The following ROBO1 variants were observed in gnomAD, a reference collection of about 807,000 sequenced individuals.
ROBO1 encodes roundabout homolog 1.
Under a neutral mutation model 195.9 loss-of-function variants are expected in ROBO1, and 149 were observed. The ratio of observed to expected loss-of-function variants is 0.76; its 90% CI spans 0.67 to 0.87. The LOEUF is 0.87. Ranked by LOEUF, ROBO1 falls within the 40% of genes least tolerant of loss-of-function variation. The pLI, the probability that ROBO1 is intolerant of heterozygous loss-of-function variation, is 0.00. For missense variants in ROBO1, 1,933 were observed against 2,068.3 expected (o/e 0.93, Z 1.27); for synonymous variants, 816 against 733.2 (o/e 1.11, Z -1.82).
chr3:78,944,044 C>A (rs550942781), intron 3 of ROBO1, among the ~76,000 whole-genome samples: 2 of 152,106 alleles, frequency 1.3e-5, no homozygotes. Flanking sequence ...GAAAAGAAAA[C>A]CACTACTAAT....
chr3:79,437,937 A>C (rs147278796), intron 2 of ROBO1, among the ~76,000 whole-genome samples: 1 of 152,112 alleles, frequency 6.6e-6, no homozygotes, highest in East Asian at 1.9e-4. Context: ...GAAAACTTAG[A>C]TAACTGTGAA....
intron 4 of ROBO1, among the ~76,000 whole-genome samples, chr3:78,784,515 T>A (rs910330402): frequency 9.2e-5 from 14 of 152,208 alleles, no homozygotes; most frequent in African/African-American, 3.1e-4. Flanking sequence ...AATGCATGGT[T>A]ACTACATGCC....
chr3:79,605,518 T>C (rs1403735414), intron 1 of ROBO1, among the ~76,000 whole-genome samples: 2 of 151,930 alleles, frequency 1.3e-5, no homozygotes, highest in African/African-American at 4.8e-5. Flanking sequence ...TTTCCCTTCA[T>C]CTCTCATTTA....
At chr3:79,149,474 T>C (rs2080720154) in intron 2 of ROBO1, among the ~76,000 whole-genome samples, 1 of 151,884 alleles carries the variant, frequency 6.6e-6, no homozygotes, top group Admixed American at 6.6e-5. Flanking sequence ...GCAATATCTG[T>C]CTCTGGTTCT....
At chr3:78,631,340 T>C (rs370269598) in intron 24 of ROBO1, 35 bp from the exon 25 acceptor site, 21 of 1,590,936 alleles carry the variant, frequency 1.3e-5, no homozygotes, top group African/African-American at 8.1e-5. Context: ...CATTGATCTC[T>C]GGCCTTTAAA....
intron 27 of ROBO1, among the ~76,000 whole-genome samples, chr3:78,615,869 A>G (rs1418501922): frequency 6.6e-6 from 1 of 152,224 alleles, no homozygotes; most frequent in Non-Finnish European, 1.5e-5. Context: ...AAGTCACATG[A>G]CAAGCACCGT....
intron 4 of ROBO1, among the ~76,000 whole-genome samples, chr3:78,867,033 A>G (rs1190256060): frequency 6.6e-6 from 1 of 152,222 alleles, no homozygotes; most frequent in African/African-American, 2.4e-5. Context: ...TATTTGAAAG[A>G]CTTGGTCTAT....
chr3:79,102,108 T>G (rs1416996073), intron 3 of ROBO1, among the ~76,000 whole-genome samples: 2 of 151,794 alleles, frequency 1.3e-5, no homozygotes, highest in Admixed American at 1.3e-4. Flanking sequence ...TCTATAAAAG[T>G]GCACATAAAA....
rs1943627364 is a variant in ROBO1, at chr3:79,580,518, A to C, written c.88+9306T>G. 2.6e-5 allele frequency among the ~76,000 whole-genome samples: 4 copies of C among 151,930 alleles called. No individual in the cohort carries two copies. In the South Asian group the frequency reaches 8.3e-4, roughly 32 times the overall value. The stretch of plus-strand genomic sequence containing the variant: ...AAATAAACACACAAACAAATAAATA[A>C]ATAAAATAAATAAAATAATCATAAA... On this transcript the variant is annotated intron_variant, in intron 2 of 30. Coordinates refer to ENST00000464233, the MANE Select transcript of ROBO1 (RefSeq NM_002941.4).
intron 4 of ROBO1, among the ~76,000 whole-genome samples, chr3:78,820,848 T>C (rs985887429): frequency 6.6e-6 from 1 of 152,178 alleles, no homozygotes; most frequent in African/African-American, 2.4e-5. Context: ...TTGGAAGCTA[T>C]GAGATTTGTT....
At position 79,232,681 on chromosome 3, in the gene ROBO1, A is replaced by T. The variant is rs138877664; in HGVS notation, c.89-107142T>A. ...ATTCAACTTTCCATCAGCCAACTTA[A>T]TGCTAGTGGCATAATATCTTCAAAG... On this transcript the variant is annotated intron_variant, in intron 2 of 30. Transcript: ENST00000464233. 6.6e-3 allele frequency among the ~76,000 whole-genome samples: 998 copies of T among 152,264 alleles called. 7 individuals are homozygous for T. The highest frequency in any genetic ancestry group is 0.02 in the Middle Eastern group (6 of 294).
intron 2 of ROBO1, among the ~76,000 whole-genome samples, chr3:79,422,178 ATATAT>A (rs1316494379): frequency 1.1e-4 from 16 of 148,382 alleles, no homozygotes; most frequent in South Asian, 2.1e-4. Flanking sequence ...CTTATGTATT[ATATAT>A]TATATTATAT....
intron 1 of ROBO1, among the ~76,000 whole-genome samples, chr3:79,677,314 T>C (rs1022677368): frequency 3.3e-5 from 5 of 151,950 alleles, no homozygotes; most frequent in Non-Finnish European, 5.9e-5. Flanking sequence ...ATGCTGCTGA[T>C]AAAGAGATAG....
intron 3 of ROBO1, among the ~76,000 whole-genome samples, chr3:79,082,369 A>C (rs1432949975): frequency 6.6e-6 from 1 of 152,172 alleles, no homozygotes; most frequent in Admixed American, 6.6e-5. Context: ...AATCATATAT[A>C]TGTGTGTGTG....
At chr3:79,671,132 C>T (rs1397807762) in intron 1 of ROBO1, among the ~76,000 whole-genome samples, 1 of 151,754 alleles carries the variant, frequency 6.6e-6, no homozygotes, top group Non-Finnish European at 1.5e-5. Context: ...TACTGATATA[C>T]AATGTTTAAG....
chr3:78,689,587 T>G (rs1422588905), intron 8 of ROBO1, among the ~76,000 whole-genome samples: 2 of 152,068 alleles, frequency 1.3e-5, no homozygotes, highest in East Asian at 3.9e-4. Context: ...GTGCACAGAA[T>G]GTAAGTCTTT....
intron 1 of ROBO1, among the ~76,000 whole-genome samples, chr3:79,714,847 G>T (rs1262980627): frequency 3.1e-5 from 4 of 130,110 alleles, no homozygotes; most frequent in Non-Finnish European, 6.3e-5. Context: ...GGGGACTGTT[G>T]TGGGGTGGGG....
intron 4 of ROBO1, among the ~76,000 whole-genome samples, chr3:78,924,579 TTAAAA>T (rs1475866456): frequency 6.6e-6 from 1 of 152,136 alleles, no homozygotes; most frequent in African/African-American, 2.4e-5. Context: ...AACAGGCATA[TTAAAA>T]TATTTCTTCA....
At chr3:79,657,554 A>C (rs966182077) in intron 1 of ROBO1, among the ~76,000 whole-genome samples, 5 of 152,124 alleles carry the variant, frequency 3.3e-5, no homozygotes, top group African/African-American at 1.2e-4. Context: ...TATAAAAATT[A>C]ATGAGATTAT....
Sources: gnomAD v4.1 joint callset for allele counts (sites outside exome capture counted in the v4.1 genomes callset) on GRCh38, gnomAD v4.1.1 for gene constraint, MANE v1.5 for transcripts, NCBI Gene and HGNC (gene_info 2026-07-23, HGNC 2026-07-21) for gene names.